FCHO1: variants seen among roughly 807,000 people sequenced by gnomAD.
FCHO1 encodes F-BAR domain only protein 1.
A neutral mutation model predicts 114.4 loss-of-function variants in FCHO1; 45 were observed. That is an observed-to-expected ratio of 0.39 (90% CI 0.31 to 0.50). The LOEUF (loss-of-function observed/expected upper bound fraction) is 0.50. FCHO1 is among the 20% of genes least tolerant of loss of function. The pLI is 0.77. For missense variants in FCHO1, 1,042 were observed against 1,209.6 expected (o/e 0.86, Z 2.06); for synonymous variants, 480 against 488.9 (o/e 0.98, Z 0.24).
intron 9 of FCHO1, among the ~76,000 whole-genome samples, chr19:17,771,945 T>G (rs2091708755): frequency 6.6e-6 from 1 of 152,084 alleles, no homozygotes; most frequent in Admixed American, 6.6e-5. Context: ...CCCTAGTAGT[T>G]GGGATTACAG....
In FCHO1 at chr19:17,781,707, C is replaced by T; in HGVS notation, c.1829-5C>T. 1.3e-6 allele frequency: 2 copies of T among 1,598,306 alleles called. No individual in the cohort carries two copies. The highest frequency in any genetic ancestry group is 1.7e-6 in the Non-Finnish European group (2 of 1,171,826). Reference sequence around the variant, plus strand: ...TGTTCCCCATTCCCTCTCCACCACCCCCAGGAGTCTCCCGGGGTCCGAGCC... The same window carrying T: ...TGTTCCCCATTCCCTCTCCACCACCTCCAGGAGTCTCCCGGGGTCCGAGCC... On this transcript the variant is annotated splice_region_variant and splice_polypyrimidine_tract_variant and intron_variant, in intron 22 of 28. Transcript: ENST00000596536.
At chr19:17,782,240 T>C (rs913723014) in intron 23 of FCHO1, among the ~76,000 whole-genome samples, 2 of 151,934 alleles carry the variant, frequency 1.3e-5, no homozygotes, top group Non-Finnish European at 2.9e-5. Flanking sequence ...TCTCACTCTG[T>C]TGCCCAGGCT....
At chr19:17,750,673 G>C (rs1325481247), upstream of FCHO1, among the ~76,000 whole-genome samples, 1 of 151,192 alleles carries the variant, frequency 6.6e-6, no homozygotes, top group Non-Finnish European at 1.5e-5. Context: ...TGCCCAGGCT[G>C]TTCTCGCACT....
chr19:17,774,530 C>G, intron 13 of FCHO1, 52 bp downstream of exon 13: 1 of 1,436,932 alleles, frequency 7.0e-7, no homozygotes, highest in Non-Finnish European at 9.7e-7. Context: ...AGATCCCCTC[C>G]CCTGCCCAGG....
chr19:17,767,724 C>T (rs1191179640), intron 7 of FCHO1, among the ~76,000 whole-genome samples: 6 of 151,768 alleles, frequency 4.0e-5, no homozygotes, highest in Admixed American at 2.0e-4. Flanking sequence ...TTTATTGGCA[C>T]AGAGCCATGC....
chr19:17,780,316 G>A (rs1032780806), intron 20 of FCHO1, among the ~76,000 whole-genome samples: 2 of 151,936 alleles, frequency 1.3e-5, no homozygotes, highest in South Asian at 2.1e-4. Flanking sequence ...GGTGCGTACC[G>A]CCACACGTGG....
At chr19:17,777,386 A>G (rs2092763282) in intron 18 of FCHO1, among the ~76,000 whole-genome samples, 1 of 151,908 alleles carries the variant, frequency 6.6e-6, no homozygotes, top group Non-Finnish European at 1.5e-5. Flanking sequence ...AAAATACAGC[A>G]TTAGCCAGGC....
chr19:17,763,094 A>C (rs6512224), intron 5 of FCHO1, among the ~76,000 whole-genome samples: 152,003 of 152,090 alleles, frequency 1, 75,958 homozygotes, highest in Middle Eastern at 1. Flanking sequence ...AACCTACTCA[A>C]GGTTGGAATT....
At chr19:17,766,389 C>T (rs972392107) in intron 6 of FCHO1, among the ~76,000 whole-genome samples, 2 of 151,988 alleles carry the variant, frequency 1.3e-5, no homozygotes, top group Non-Finnish European at 2.9e-5. Flanking sequence ...CTGCTCGACT[C>T]GGTCTCCCAA....
chr19:17,750,509 A>G (rs1599499346), upstream of FCHO1, among the ~76,000 whole-genome samples: 1 of 152,290 alleles, frequency 6.6e-6, no homozygotes. Flanking sequence ...CCCAGGCTGG[A>G]GTGCAGTGGC....
At chr19:17,767,538 G>C (rs2089778277) in intron 7 of FCHO1, among the ~76,000 whole-genome samples, 1 of 121,154 alleles carries the variant, frequency 8.3e-6, no homozygotes, top group African/African-American at 3.1e-5. Context: ...CTGCACTCCA[G>C]CCTAGGCAAC....
At chr19:17,761,608 A>T (rs2086203293) in intron 4 of FCHO1, among the ~76,000 whole-genome samples, 1 of 147,824 alleles carries the variant, frequency 6.8e-6, no homozygotes, top group African/African-American at 2.5e-5. Flanking sequence ...AAAGAGAGAC[A>T]ATTTGACTTC....
At chr19:17,752,143 C>T (rs1599513003) in intron 1 of FCHO1, 1 of 152,276 alleles carries the variant, frequency 6.6e-6, no homozygotes, top group East Asian at 1.9e-4. Context: ...CAATGTTGGC[C>T]ATCCAATACA....
chr19:17,778,896 G>C lies in FCHO1; in HGVS notation c.1627+12G>C. On this transcript the variant is annotated intron_variant, in intron 20 of 28. Coordinates refer to ENST00000596536, the MANE Select transcript of FCHO1 (RefSeq NM_015122.3). ...CTTGGCCGGAGGAGGTGAGTCCAGC[G>C]GGCCTGGGCCTGAGAGTTGCTGGAA... 1.3e-6 allele frequency: 2 copies of C among 1,531,572 alleles called. No individual in the cohort carries two copies. Among genetic ancestry groups the C allele is most frequent in the Non-Finnish European group, 1.7e-6 (2 of 1,147,850 alleles). 94.9% of individuals were successfully genotyped at this position (1,531,572 alleles called of 1,614,324 possible).
upstream of FCHO1, among the ~76,000 whole-genome samples, chr19:17,748,277 A>C (rs535792154): frequency 1.3e-5 from 2 of 151,814 alleles, no homozygotes; most frequent in East Asian, 3.9e-4. Context: ...CTTTTCCTCC[A>C]CTGTGAACCC....
At chr19:17,766,906 G>A (rs112406263) in intron 7 of FCHO1, 96 bp downstream of exon 7, 32 of 1,282,550 alleles carry the variant, frequency 2.5e-5, no homozygotes, top group African/African-American at 2.1e-4. Context: ...ACCTGCGGAT[G>A]TCCGCCTCCG....
intron 28 of FCHO1, 96 bp downstream of exon 28, chr19:17,787,942 T>TG: frequency 7.0e-7 from 1 of 1,432,080 alleles, no homozygotes; most frequent in Non-Finnish European, 9.4e-7. Context: ...TGGGGATCCT[T>TG]GGGAAAGATA....
intron 4 of FCHO1, among the ~76,000 whole-genome samples, chr19:17,761,824 C>A (rs895911732): frequency 6.6e-6 from 1 of 151,024 alleles, no homozygotes; most frequent in Admixed American, 6.7e-5. Flanking sequence ...CCATGCCTGG[C>A]TAATTTTTGT....
chr19:17,783,271 C>CTTTTTT, intron 24 of FCHO1, 99 bp downstream of exon 24: 1 of 755,004 alleles, frequency 1.3e-6, no homozygotes, highest in Non-Finnish European at 1.9e-6. Flanking sequence ...TTTTTCTTTT[C>CTTTTTT]TTTTTTTTTT....
Sources: allele counts gnomAD v4.1 joint callset (sites outside exome capture counted in the v4.1 genomes callset), GRCh38; gene constraint gnomAD v4.1.1; transcripts MANE v1.5; gene names NCBI Gene and HGNC (gene_info 2026-07-23, HGNC 2026-07-21).